Variants in SLC4A5 observed in about 807,000 individuals in gnomAD.
The protein encoded by SLC4A5 is electrogenic sodium bicarbonate cotransporter 4.
SLC4A5 carries 96 observed loss-of-function variants against 120.4 expected under a neutral mutation model. The ratio of observed to expected loss-of-function variants is 0.80; its 90% CI spans 0.68 to 0.94. The LOEUF is 0.94. Ranked by LOEUF, SLC4A5 falls within the 40% of genes least tolerant of loss-of-function variation. The pLI is 0.00. For missense variants in SLC4A5, 1,259 were observed against 1,459.5 expected (o/e 0.86, Z 2.24); for synonymous variants, 550 against 571.1 (o/e 0.96, Z 0.53).
intron 8 of SLC4A5, among the ~76,000 whole-genome samples, chr2:74,278,411 G>C (rs575185945): frequency 4.6e-5 from 7 of 152,298 alleles, no homozygotes; most frequent in African/African-American, 1.7e-4. Flanking sequence ...CATGGGTGTG[G>C]ACTTGTGCTT....
At chr2:74,239,229 G>A in intron 21 of SLC4A5, 106 bp downstream of exon 21, 1 of 1,040,796 alleles carries the variant, frequency 9.6e-7, no homozygotes. Flanking sequence ...ACCCCAGTGG[G>A]CCAGTGCTCG....
chr2:74,284,158 A>AT (rs1671902718), intron 8 of SLC4A5, among the ~76,000 whole-genome samples: 1 of 93,812 alleles, frequency 1.1e-5, no homozygotes, highest in East Asian at 5.4e-4. Flanking sequence ...CTTATTCCTT[A>AT]TTTCTTTTTT....
chr2:74,336,197 A>G (rs1673483749), intron 3 of SLC4A5, among the ~76,000 whole-genome samples: 1 of 151,994 alleles, frequency 6.6e-6, no homozygotes, highest in Admixed American at 6.6e-5. Context: ...CCTCCCAAAT[A>G]TCTGGGACTA....
chr2:74,285,715 G>A (rs1671960332), intron 8 of SLC4A5, 58 bp downstream of exon 8: 2 of 1,586,450 alleles, frequency 1.3e-6, no homozygotes, highest in Non-Finnish European at 8.6e-7. Context: ...GGAGGGTCAG[G>A]CAAGCCCAGG....
chr2:74,301,244 C>T (rs1043319495), intron 7 of SLC4A5, among the ~76,000 whole-genome samples: 2 of 152,200 alleles, frequency 1.3e-5, no homozygotes, highest in Non-Finnish European at 2.9e-5. Flanking sequence ...TGATATTGAA[C>T]TATCATTCTC....
chr2:74,239,577 T>C (rs1188308909), intron 20 of SLC4A5, 42 bp from the exon 21 acceptor site: 10 of 1,598,736 alleles, frequency 6.3e-6, no homozygotes, highest in Non-Finnish European at 8.6e-6. Context: ...AGCATCTTCC[T>C]GATGAGTCAG....
At chr2:74,218,662 A>G (rs903932214) in exon 31 of SLC4A5, 1 of 152,628 alleles carries the variant, frequency 6.6e-6, no homozygotes, top group African/African-American at 2.4e-5. Flanking sequence ...TCTCTTCGGT[A>G]TTTATCCATG....
intron 9 of SLC4A5, 28 bp downstream of exon 9, chr2:74,265,076 G>A: frequency 1.2e-6 from 2 of 1,601,264 alleles, no homozygotes; most frequent in Non-Finnish European, 1.7e-6. Flanking sequence ...GACCACAGGA[G>A]AGATGCACAC....
chr2:74,227,904 C>A, intron 25 of SLC4A5, 26 bp from the exon 26 acceptor site: 2 of 1,568,424 alleles, frequency 1.3e-6, no homozygotes, highest in South Asian at 1.2e-5. Context: ...AGCTTTGGAT[C>A]GGCCTCTGCC....
intron 7 of SLC4A5, among the ~76,000 whole-genome samples, chr2:74,293,029 G>A (rs941894827): frequency 2.6e-5 from 4 of 151,368 alleles, no homozygotes; most frequent in African/African-American, 9.7e-5. Context: ...GCCTCAGCAA[G>A]AGAGGAGCCA....
intron 5 of SLC4A5, among the ~76,000 whole-genome samples, chr2:74,327,523 GGAGA>G (rs1246924567): frequency 4.6e-5 from 7 of 152,156 alleles, no homozygotes; most frequent in Non-Finnish European, 1.0e-4. Flanking sequence ...GCATGCTCCA[GGAGA>G]GAAAGGACAA....
At chr2:74,273,760 C>G (rs1465609804) in intron 8 of SLC4A5, among the ~76,000 whole-genome samples, 2 of 152,212 alleles carry the variant, frequency 1.3e-5, no homozygotes, top group Non-Finnish European at 2.9e-5. Flanking sequence ...CACTTAGAAG[C>G]CCGTTAAGAA....
chr2:74,269,475 C>T (rs1671406422), intron 8 of SLC4A5, among the ~76,000 whole-genome samples: 1 of 152,116 alleles, frequency 6.6e-6, no homozygotes, highest in Non-Finnish European at 1.5e-5. Context: ...TCAGGTGGTC[C>T]ACCCACCTCC....
In SLC4A5 at chr2:74,285,765, C is replaced by T. The variant is rs79817861; in HGVS notation, c.401+8G>A. 6.4e-3 allele frequency: 10,334 copies of T among 1,608,618 alleles called. 571 individuals carry two copies. In the African/African-American group the frequency reaches 0.12, roughly 19 times the overall value. On this transcript the variant is annotated splice_region_variant and intron_variant, in intron 8 of 30. Coordinates refer to ENST00000394019, the Ensembl canonical transcript of SLC4A5. ...AGTGCCCACCTCCCTCGTGGGGCCC[C>T]GCCTCACCTGGCTGACTCCTTCCAC... is the stretch of plus-strand genomic sequence containing the variant.
At chr2:74,265,331 C>G in intron 8 of SLC4A5, 67 bp from the exon 9 acceptor site, 1 of 1,557,896 alleles carries the variant, frequency 6.4e-7, no homozygotes, top group Non-Finnish European at 8.7e-7. Flanking sequence ...CTGGGTCTCC[C>G]CAAAAGAGGG....
chr2:74,243,627 A>G (rs1670517516), intron 19 of SLC4A5, among the ~76,000 whole-genome samples: 1 of 152,216 alleles, frequency 6.6e-6, no homozygotes, highest in African/African-American at 2.4e-5. Flanking sequence ...CAAATGCTAG[A>G]GAACTCCTGG....
intron 21 of SLC4A5, among the ~76,000 whole-genome samples, chr2:74,236,754 T>C (rs1322774766): frequency 6.6e-6 from 1 of 152,188 alleles, no homozygotes; most frequent in Non-Finnish European, 1.5e-5. Flanking sequence ...ACTTTTTTTG[T>C]AGGTTGAAAC....
At chr2:74,303,681 T>C (rs1003707295) in intron 7 of SLC4A5, among the ~76,000 whole-genome samples, 37 of 152,150 alleles carry the variant, frequency 2.4e-4, no homozygotes, top group Admixed American at 2.3e-3. Context: ...GGCTTTGTTG[T>C]CCTGGAAGAA....
At chr2:74,315,765 A>G (rs1672948864) in intron 5 of SLC4A5, among the ~76,000 whole-genome samples, 1 of 151,842 alleles carries the variant, frequency 6.6e-6, no homozygotes, top group Non-Finnish European at 1.5e-5. Context: ...CCACTGCATT[A>G]CAGCCTGGGT....
Sources: allele counts gnomAD v4.1 joint callset (sites outside exome capture counted in the v4.1 genomes callset), GRCh38; gene constraint gnomAD v4.1.1; transcripts MANE v1.5; gene names NCBI Gene and HGNC (gene_info 2026-07-23, HGNC 2026-07-21).